The following EDEM2 variants were observed in gnomAD, a reference collection of about 807,000 sequenced individuals.
EDEM2 encodes ER degradation-enhancing alpha-mannosidase-like protein 2.
EDEM2 carries 39 observed loss-of-function variants against 64.8 expected under a neutral mutation model. That is an observed-to-expected ratio of 0.60 (90% CI 0.47 to 0.79). EDEM2 has a LOEUF of 0.79. Among genes scored for constraint, EDEM2 ranks in the 30% least tolerant of loss-of-function variants. The probability of loss-of-function intolerance (pLI) is 0.00; values close to 1 mark genes in which losing one functional copy is unlikely to be tolerated. For synonymous variants in EDEM2, 296 were observed against 291.5 expected, an observed-to-expected ratio of 1.02 and a Z score of -0.16; for missense variants, 609 against 731.3, an observed-to-expected ratio of 0.83 and a Z score of 1.93.
chr20:35,121,159 T>C (rs2085364016), intron 9 of EDEM2, among the ~76,000 whole-genome samples: 1 of 152,236 alleles, frequency 6.6e-6, no homozygotes, highest in Non-Finnish European at 1.5e-5. Flanking sequence ...TTATTTATAT[T>C]ATTATTACAT....
intron 4 of EDEM2, among the ~76,000 whole-genome samples, chr20:35,141,351 C>T (rs1461116082): frequency 1.3e-5 from 2 of 151,872 alleles, no homozygotes; most frequent in East Asian, 3.9e-4. Flanking sequence ...AAATGTCAAC[C>T]AAAAGAAAGC....
In EDEM2 at chr20:35,137,842, T is replaced by C. The variant is rs1005141977; in HGVS notation, c.490+38A>G. The C allele has an allele frequency of 6.8e-6, 11 of 1,606,100 alleles. No individual in the cohort carries two copies. In the African/African-American group the frequency reaches 1.1e-4, roughly 16 times the overall value. On this transcript the variant is annotated intron_variant, in intron 5 of 10. Transcript: ENST00000374492. The stretch of plus-strand genomic sequence containing the variant: ...CTTCAGCAAGGGAAGCAGGACCTAC[T>C]GGACTTCGTCTCTGCCCCATCTCTG...
chr20:35,138,303 T>A (rs1209586362), intron 4 of EDEM2, among the ~76,000 whole-genome samples: 1 of 152,208 alleles, frequency 6.6e-6, no homozygotes, highest in African/African-American at 2.4e-5. Flanking sequence ...ACAGTGGCTA[T>A]TTTTTGTAAG....
rs527850779 is a variant in EDEM2, at chr20:35,141,738, T to TCCAATTCATTAGGTTTAGGGTG, written c.364+613_364+634dup. 3.2e-3 allele frequency among the ~76,000 whole-genome samples: 485 copies of TCCAATTCATTAGGTTTAGGGTG among 152,272 alleles called. 4 individuals carry two copies. The highest frequency in any genetic ancestry group is 0.011 in the African/African-American group (465 of 41,554). The stretch of plus-strand genomic sequence containing the variant: ...TGATTCTAGGACCCAACACAGAGAT[T>TCCAATTCATTAGGTTTAGGGTG]CCAATTCATTAGGTTTAGGGTGGAG... On this transcript the variant is annotated intron_variant, in intron 4 of 10. Transcript: ENST00000374492.
chr20:35,124,514 C>A (rs2085407511), intron 8 of EDEM2, among the ~76,000 whole-genome samples: 1 of 152,118 alleles, frequency 6.6e-6, no homozygotes, highest in Non-Finnish European at 1.5e-5. Flanking sequence ...GATCCTCTCA[C>A]CTCAGCCTCC....
At chr20:35,116,113 CAT>C (rs916715142) in intron 10 of EDEM2, among the ~76,000 whole-genome samples, 180 bp from the exon 11 acceptor site, 3 of 152,168 alleles carry the variant, frequency 2.0e-5, no homozygotes, top group Admixed American at 6.5e-5. Flanking sequence ...TGGATTATCA[CAT>C]AAGCTTCCAA....
intron 9 of EDEM2, among the ~76,000 whole-genome samples, chr20:35,122,451 T>G (rs1313738235): frequency 6.6e-6 from 1 of 152,242 alleles, no homozygotes; most frequent in East Asian, 1.9e-4. Context: ...CTCAGCTCAC[T>G]GCAACTTCTA....
rs962613776 is a variant in EDEM2 at position 35,145,612 on chromosome 20, G to A, written c.219-594C>T. ...TGCTGACAGAAAGCAGACAGCAATT[G>A]TTAGGGTCAGTGGTGGTGCAGGGAT... On this transcript the variant is annotated intron_variant, in intron 2 of 10. Coordinates refer to ENST00000374492, the MANE Select transcript of EDEM2 (RefSeq NM_018217.3). 8.5e-5 allele frequency among the ~76,000 whole-genome samples: 13 copies of A among 152,334 alleles called. 1 individual carries two copies. In the South Asian group the frequency reaches 2.7e-3, roughly 32 times the overall value.
At chr20:35,128,047 A>T (rs1429831242) in intron 7 of EDEM2, among the ~76,000 whole-genome samples, 1 of 152,194 alleles carries the variant, frequency 6.6e-6, no homozygotes, top group Non-Finnish European at 1.5e-5. Context: ...TTACGCGTTT[A>T]TGTATTTACT....
chr20:35,134,874 A>G lies in EDEM2; in HGVS notation c.566T>C (p.Val189Ala). The stretch of plus-strand genomic sequence containing the variant: ...GGTCCCAATCCCTGCCGTACAGGTG[A>G]CAGGGGTCTCTCCTGGGTTCACGCC... The part of the protein sequence containing the change: ...LHGVNPGETP[V>A]TCTAGIGTFI... Residue 189 changes from valine to alanine, a missense_variant, in exon 6 of 11, where the codon GTC becomes GCC. Val to Ala is a moderately conservative substitution (Grantham distance 64, BLOSUM62 0). Transcript: ENST00000374492. The G allele has an allele frequency of 6.2e-7, 1 of 1,614,208 alleles. No homozygotes were observed. The highest frequency in any genetic ancestry group is 8.5e-7 in the Non-Finnish European group (1 of 1,180,034).
chr20:35,123,775 A>T, intron 9 of EDEM2, 115 bp downstream of exon 9: 2 of 1,338,448 alleles, frequency 1.5e-6, no homozygotes. Context: ...TGAAAGGAAC[A>T]GATGGAAAGA....
chr20:35,130,653 C>A (rs2085495217), intron 7 of EDEM2, among the ~76,000 whole-genome samples: 3 of 152,138 alleles, frequency 2.0e-5, no homozygotes. Context: ...CTGCACCCAG[C>A]CTCAAAATAT....
chr20:35,134,886 C>T lies in EDEM2; in HGVS notation c.554G>A (p.Gly185Glu), dbSNP rs978842262. The T allele has an allele frequency of 2.1e-5, 34 of 1,614,024 alleles. No homozygotes were observed. Among genetic ancestry groups the T allele is most frequent in the African/African-American group, 4.0e-5 (3 of 74,892 alleles). Reference sequence around the variant, plus strand: ...TGCCGTACAGGTGACAGGGGTCTCTCCTGGGTTCACGCCATGAAGTAAGTT... The same window carrying T: ...TGCCGTACAGGTGACAGGGGTCTCTTCTGGGTTCACGCCATGAAGTAAGTT... ...TVNLLHGVNP[G>E]ETPVTCTAGI... The change falls in exon 6 of 11, where the codon GGA becomes GAA. Residue 185 changes from glycine to glutamate, a missense_variant. Gly to Glu is a moderately conservative substitution (Grantham distance 98, BLOSUM62 -2). Transcript: ENST00000374492.
intron 10 of EDEM2, among the ~76,000 whole-genome samples, chr20:35,116,786 T>C (rs930076961): frequency 6.6e-6 from 1 of 152,016 alleles, no homozygotes; most frequent in Non-Finnish European, 1.5e-5. Context: ...ATTCAGATGA[T>C]TACCAAGTTT....
In EDEM2 at chr20:35,142,434, G is replaced by GAGCA. The variant is rs773185360; in HGVS notation, c.299_302dup (p.Gln102AlafsTer8). The GAGCA allele has an allele frequency of 6.2e-7, 1 of 1,614,042 alleles. No individual in the cohort carries two copies. The highest frequency in any genetic ancestry group is 8.5e-7 in the Non-Finnish European group (1 of 1,180,030). On this transcript the variant is annotated frameshift_variant, in exon 4 of 11. Transcript: ENST00000374492. LOFTEE classifies it high-confidence loss of function. ...CAATATCAAAGTCCACGCTGTCCTG[G>GAGCA]AGCACTTCAACCACTCTTTGGAATT... is the stretch of plus-strand genomic sequence containing the variant.
chr20:35,115,628 T>G lies in EDEM2; in HGVS notation c.1542A>C (p.Lys514Asn), dbSNP rs1569172304. ...EFYSLKRSRSKFQKNTVSSGP... is the reference protein window; with the variant it reads ...EFYSLKRSRSNFQKNTVSSGP... ...CCGAACTAACAGTGTTTTTCTGAAA[T>G]TTCGACCTGCTCCGTTTGAGAGAGT... Residue 514 changes from lysine (K) to asparagine (N), a missense_variant, in exon 11 of 11, where the codon AAA becomes AAC. Transcript: ENST00000374492. The G allele has an allele frequency of 1.9e-6, 3 of 1,614,002 alleles. No individual in the cohort carries two copies. The East Asian group carries it at 6.7e-5, about 36-fold the overall frequency.
In EDEM2 at chr20:35,134,875, C is replaced by T. The variant is rs1555927804; in HGVS notation, c.565G>A (p.Val189Ile). The change falls in exon 6 of 11, where the codon GTC becomes ATC. Residue 189 changes from valine (V) to isoleucine (I), a missense_variant. Transcript: ENST00000374492. ...GTCCCAATCCCTGCCGTACAGGTGA[C>T]AGGGGTCTCTCCTGGGTTCACGCCA... is the stretch of plus-strand genomic sequence containing the variant. ...LHGVNPGETPVTCTAGIGTFI... is the reference protein window; with the variant it reads ...LHGVNPGETPITCTAGIGTFI... 1 of 1,614,194 alleles carries T rather than the reference C, an allele frequency of 6.2e-7. No homozygotes were observed. The highest frequency in any genetic ancestry group is 8.5e-7 in the Non-Finnish European group (1 of 1,180,044).
At chr20:35,139,129 T>A (rs2085616806) in intron 4 of EDEM2, among the ~76,000 whole-genome samples, 1 of 149,916 alleles carries the variant, frequency 6.7e-6, no homozygotes, top group African/African-American at 2.5e-5. Context: ...GAGGTGGAGA[T>A]CACGAGGTCA....
At chr20:35,129,404 C>A (rs1281381609) in intron 7 of EDEM2, among the ~76,000 whole-genome samples, 2 of 150,398 alleles carry the variant, frequency 1.3e-5, no homozygotes, top group Non-Finnish European at 3.0e-5. Flanking sequence ...GAGACTCTGT[C>A]TTTAAAGAAA....
Sources: gnomAD v4.1 joint callset for allele counts (sites outside exome capture counted in the v4.1 genomes callset) on GRCh38, gnomAD v4.1.1 for gene constraint, MANE v1.5 for transcripts, NCBI Gene and HGNC (gene_info 2026-07-23, HGNC 2026-07-21) for gene names.